Variants in EHBP1 observed in about 807,000 individuals in gnomAD.
EHBP1 encodes the protein EH domain binding protein 1, also known as EH domain-binding protein 1.
In EHBP1, 55 loss-of-function variants were observed where a neutral mutation model predicts 144.0. That is an observed-to-expected ratio of 0.38 (90% CI 0.31 to 0.48). The LOEUF is 0.48. EHBP1 is among the 20% of genes least tolerant of loss of function. The pLI is 0.98. For synonymous variants in EHBP1, 469 were observed against 472.7 expected (o/e 0.99, Z 0.10); for missense variants, 1,200 against 1,364.2 (o/e 0.88, Z 1.90).
Position 62,771,396 on chromosome 2 carries a change from A to G in EHBP1, c.312+4A>G. ...GTGGACATTTGTCATAGAAAATGTA[A>G]GCTAATGGCAAATTCCTTCACCTTT... On this transcript the variant is annotated splice_donor_region_variant and intron_variant, in intron 5 of 22. Coordinates refer to ENST00000431489, the MANE Select transcript of EHBP1 (RefSeq NM_001142616.3). 1 of 1,589,256 alleles carries G rather than the reference A, an allele frequency of 6.3e-7. No homozygotes were observed.
chr2:62,692,674 T>C (rs910562226), intron 1 of EHBP1, among the ~76,000 whole-genome samples: 1 of 152,230 alleles, frequency 6.6e-6, no homozygotes, highest in Non-Finnish European at 1.5e-5. Context: ...TTTATATGTA[T>C]ATCATCTTCA....
At chr2:62,677,884 T>C (rs1397546069) in intron 1 of EHBP1, among the ~76,000 whole-genome samples, 2 of 152,248 alleles carry the variant, frequency 1.3e-5, no homozygotes, top group African/African-American at 2.4e-5. Flanking sequence ...ATTCATCTGT[T>C]GATGGACACT....
intron 19 of EHBP1, among the ~76,000 whole-genome samples, chr2:63,011,619 T>G (rs189703331): frequency 1.3e-5 from 2 of 152,074 alleles, no homozygotes; most frequent in South Asian, 2.1e-4. Flanking sequence ...TGGTTTCTAA[T>G]GTAGTCTAAA....
chr2:62,989,208 T>A (rs79923270), intron 15 of EHBP1, among the ~76,000 whole-genome samples: 15,222 of 151,948 alleles, frequency 0.1, 1,018 homozygotes, highest in Non-Finnish European at 0.14. Context: ...GATTTTTTTT[T>A]AAAAAAACAT....
chr2:62,873,112 A>G (rs2050617199), intron 9 of EHBP1, among the ~76,000 whole-genome samples: 1 of 152,198 alleles, frequency 6.6e-6, no homozygotes, highest in Non-Finnish European at 1.5e-5. Context: ...TAGACTACAC[A>G]GGAATTCCTC....
intron 7 of EHBP1, among the ~76,000 whole-genome samples, chr2:62,834,581 A>G (rs2047069104): frequency 6.6e-6 from 1 of 152,256 alleles, no homozygotes; most frequent in Non-Finnish European, 1.5e-5. Flanking sequence ...AGACTATAGT[A>G]TAAACGTAAC....
intron 19 of EHBP1, among the ~76,000 whole-genome samples, chr2:63,029,846 A>G (rs780827913): frequency 6.6e-5 from 10 of 152,176 alleles, no homozygotes; most frequent in Non-Finnish European, 1.3e-4. Flanking sequence ...CTTCTGCCTC[A>G]GCCTCCCGAG....
intron 3 of EHBP1, among the ~76,000 whole-genome samples, chr2:62,753,666 C>T (rs2039977984): frequency 6.6e-6 from 1 of 152,194 alleles, no homozygotes; most frequent in South Asian, 2.1e-4. Flanking sequence ...GGTCTTTTCA[C>T]ATAGTCCCGT....
chr2:62,712,641 G>C (rs1202736927), intron 2 of EHBP1, among the ~76,000 whole-genome samples: 1 of 152,194 alleles, frequency 6.6e-6, no homozygotes, highest in Non-Finnish European at 1.5e-5. Context: ...AGTGGTTTTA[G>C]TGATGAACCA....
intron 1 of EHBP1, among the ~76,000 whole-genome samples, chr2:62,682,798 A>G (rs2033575951): frequency 6.6e-6 from 1 of 152,176 alleles, no homozygotes; most frequent in South Asian, 2.1e-4. Context: ...TTATCAACCA[A>G]CTGTAAATTC....
intron 10 of EHBP1, among the ~76,000 whole-genome samples, chr2:62,941,369 C>T (rs1422981286): frequency 6.6e-6 from 1 of 151,972 alleles, no homozygotes; most frequent in Non-Finnish European, 1.5e-5. Context: ...TATATTAAGT[C>T]GAATTGATCC....
At chr2:62,858,579 A>G (rs2049262872) in intron 7 of EHBP1, 9 of 1,011,674 alleles carry the variant, frequency 8.9e-6, no homozygotes, top group Middle Eastern at 2.0e-4. Flanking sequence ...CTACCTCTTG[A>G]CTTCTGTCTG....
At chr2:62,975,262 G>C (rs986382665) in intron 14 of EHBP1, among the ~76,000 whole-genome samples, 1 of 152,164 alleles carries the variant, frequency 6.6e-6, no homozygotes, top group Non-Finnish European at 1.5e-5. Context: ...TAGGCAGAAA[G>C]GGTATGGCCT....
At chr2:63,019,650 T>G (rs999984262) in intron 19 of EHBP1, among the ~76,000 whole-genome samples, 1 of 147,818 alleles carries the variant, frequency 6.8e-6, no homozygotes, top group East Asian at 2.0e-4. Flanking sequence ...GAGGTTGCAA[T>G]GAACCAAGAG....
chr2:62,977,629 T>G (rs1415217988), intron 14 of EHBP1, among the ~76,000 whole-genome samples: 1 of 152,182 alleles, frequency 6.6e-6, no homozygotes, highest in East Asian at 1.9e-4. Context: ...GTATAAATAG[T>G]ATATAGTATA....
rs747646756 is a variant in EHBP1 at position 62,993,711 on chromosome 2, T to A, written c.2872+43T>A. On this transcript the variant is annotated intron_variant, in intron 17 of 22. Coordinates refer to ENST00000431489, the MANE Select transcript of EHBP1 (RefSeq NM_001142616.3). ...ATGTTTTTCCATGTTATGGTTTAAC[T>A]ATATATAGATATCTATATATAGTAT... The A allele has an allele frequency of 1.1e-5, 13 of 1,156,398 alleles. No homozygotes were observed. In the South Asian group the frequency reaches 2.1e-4, roughly 19 times the overall value. 71.6% of individuals were successfully genotyped at this position (1,156,398 alleles called of 1,614,324 possible).
chr2:62,859,298 A>G lies in EHBP1; in HGVS notation c.757+7A>G, dbSNP rs576545271. On this transcript the variant is annotated splice_region_variant and intron_variant, in intron 8 of 22. Coordinates refer to ENST00000431489, the MANE Select transcript of EHBP1 (RefSeq NM_001142616.3). ...GGAGATCCTGACTCAGAAGGTAGCAAGTTTTTCTGTAATTTTAAAGTCTTT... is the reference window on the plus strand; with the variant it reads ...GGAGATCCTGACTCAGAAGGTAGCAGGTTTTTCTGTAATTTTAAAGTCTTT... 6 of 1,595,504 alleles carry G rather than the reference A, an allele frequency of 3.8e-6. No homozygotes were observed. In the African/African-American group the frequency reaches 6.7e-5, roughly 18 times the overall value.
chr2:63,015,544 G>A (rs2060452995), intron 19 of EHBP1, among the ~76,000 whole-genome samples: 1 of 152,006 alleles, frequency 6.6e-6, no homozygotes, highest in Non-Finnish European at 1.5e-5. Context: ...ACAGGGTCTT[G>A]CTATGTTGCC....
chr2:62,729,894 G>C (rs879203270), intron 2 of EHBP1, among the ~76,000 whole-genome samples: 1 of 151,922 alleles, frequency 6.6e-6, no homozygotes, highest in African/African-American at 2.4e-5. Flanking sequence ...AGTGAGAGGT[G>C]AGAAATGGTA....
Sources: gnomAD v4.1 joint callset for allele counts (sites outside exome capture counted in the v4.1 genomes callset) on GRCh38, gnomAD v4.1.1 for gene constraint, MANE v1.5 for transcripts, NCBI Gene and HGNC (gene_info 2026-07-23, HGNC 2026-07-21) for gene names.